Variants in SH3RF3 observed in about 807,000 individuals in gnomAD.
The protein encoded by SH3RF3 is SH3 domain containing ring finger 3.
A neutral mutation model predicts 66.3 loss-of-function variants in SH3RF3; 29 were observed. The observed-to-expected ratio is 0.44, with a 90% CI of 0.33 to 0.60. SH3RF3 has a LOEUF of 0.60. Ranked by LOEUF, SH3RF3 falls within the 20% of genes least tolerant of loss-of-function variation. The pLI is 0.04. For missense variants in SH3RF3, 1,194 were observed against 1,190.9 expected (o/e 1.00, Z -0.04); for synonymous variants, 583 against 532.0 (o/e 1.10, Z -1.32).
intron 1 of SH3RF3, among the ~76,000 whole-genome samples, chr2:109,139,317 T>C (rs1488498694): frequency 6.6e-6 from 1 of 152,210 alleles, no homozygotes; most frequent in Non-Finnish European, 1.5e-5. Context: ...CTGACCTTTT[T>C]TTTTTTACTG....
chr2:109,213,802 G>A (rs969218768), intron 1 of SH3RF3, among the ~76,000 whole-genome samples: 2 of 152,178 alleles, frequency 1.3e-5, no homozygotes, highest in Non-Finnish European at 2.9e-5. Context: ...GATAGGGTGT[G>A]GTGTGGTGTG....
At chr2:109,353,434 TGA>T (rs942810377) in intron 2 of SH3RF3, among the ~76,000 whole-genome samples, 1 of 152,168 alleles carries the variant, frequency 6.6e-6, no homozygotes, top group East Asian at 1.9e-4. Flanking sequence ...CCCTTTCTCC[TGA>T]GAGGTAGGTG....
intron 6 of SH3RF3, among the ~76,000 whole-genome samples, chr2:109,433,272 T>A (rs1677298476): frequency 6.6e-6 from 1 of 152,246 alleles, no homozygotes; most frequent in African/African-American, 2.4e-5. Flanking sequence ...AAAGGAAAAA[T>A]GATATCTTCC....
chr2:109,346,762 C>T (rs766771621), intron 1 of SH3RF3, among the ~76,000 whole-genome samples: 2 of 152,146 alleles, frequency 1.3e-5, no homozygotes, highest in African/African-American at 2.4e-5. Context: ...GAGCTAGTCA[C>T]GGTTTGAGAC....
chr2:109,497,746 T>C (rs1000821883), intron 9 of SH3RF3, among the ~76,000 whole-genome samples: 1 of 152,248 alleles, frequency 6.6e-6, no homozygotes. Context: ...CCCACATCCA[T>C]CTGGGCTCAT....
At chr2:109,488,346 C>A (rs937053926) in intron 8 of SH3RF3, among the ~76,000 whole-genome samples, 6 of 152,226 alleles carry the variant, frequency 3.9e-5, no homozygotes, top group African/African-American at 1.4e-4. Flanking sequence ...GACATTGCCA[C>A]CTGTCCCCTG....
chr2:109,475,903 C>T lies in SH3RF3; in HGVS notation c.2149-14702C>T, dbSNP rs370361378. Among the ~76,000 whole-genome samples the T allele has an allele frequency of 1.5e-3, 223 of 152,320 alleles. 1 individual carries two copies. The highest frequency in any genetic ancestry group is 5.2e-3 in the African/African-American group (217 of 41,564). On this transcript the variant is annotated intron_variant, in intron 8 of 9. Transcript: ENST00000309415. ...ACTCATTTCTCTTTCCACATCTTCA[C>T]GAGCTTCACCTTCATCAACAAAAGA...
intron 4 of SH3RF3, among the ~76,000 whole-genome samples, chr2:109,411,309 T>C (rs754254831): frequency 2.0e-5 from 3 of 152,192 alleles, no homozygotes; most frequent in Non-Finnish European, 4.4e-5. Flanking sequence ...ATTACAGTCA[T>C]TTAAAGGAGA....
chr2:109,225,373 G>A (rs1287335279), intron 1 of SH3RF3, among the ~76,000 whole-genome samples: 2 of 152,300 alleles, frequency 1.3e-5, no homozygotes, highest in East Asian at 3.9e-4. Context: ...TCCGGGCTCC[G>A]CTTGGACCCA....
Position 109,159,450 on chromosome 2 carries a change from G to A in SH3RF3, c.573+29337G>A, listed in dbSNP as rs542767020. Reference sequence around the variant, plus strand: ...TAACGGAGGCCTCCTGCATTACTGTGGATTTTAGTGGGGGAAGAATTGGCT... The same window carrying A: ...TAACGGAGGCCTCCTGCATTACTGTAGATTTTAGTGGGGGAAGAATTGGCT... On this transcript the variant is annotated intron_variant, in intron 1 of 9. Transcript: ENST00000309415. 4.6e-5 allele frequency among the ~76,000 whole-genome samples: 7 copies of A among 152,346 alleles called. No homozygotes were observed. In the East Asian group the frequency reaches 5.8e-4, roughly 13 times the overall value.
At chr2:109,300,483 C>G (rs1419687862) in intron 1 of SH3RF3, among the ~76,000 whole-genome samples, 1 of 152,150 alleles carries the variant, frequency 6.6e-6, no homozygotes, top group Non-Finnish European at 1.5e-5. Flanking sequence ...CCCATCCGCA[C>G]CCTGAGTTTT....
intron 1 of SH3RF3, among the ~76,000 whole-genome samples, chr2:109,288,237 A>G (rs1011567842): frequency 6.6e-5 from 10 of 152,246 alleles, no homozygotes; most frequent in African/African-American, 2.4e-4. Flanking sequence ...CTCAAGAACA[A>G]AGAAAGTTAA....
rs1210026340 is a variant in SH3RF3 at position 109,151,135 on chromosome 2, C to T, written c.573+21022C>T. Among the ~76,000 whole-genome samples, 7 of 152,172 alleles carry T rather than the reference C, an allele frequency of 4.6e-5. No homozygotes were observed. In the East Asian group the frequency reaches 1.3e-3, roughly 29 times the overall value. On this transcript the variant is annotated intron_variant, in intron 1 of 9. Coordinates refer to ENST00000309415, the MANE Select transcript of SH3RF3 (RefSeq NM_001099289.3). The stretch of plus-strand genomic sequence containing the variant: ...GGTGAGGGGTGGTGGTCCTTGGGTT[C>T]TTGCTTATATTTGATGGGTTCTTGA...
At chr2:109,419,048 A>T (rs1676801443) in intron 4 of SH3RF3, among the ~76,000 whole-genome samples, 1 of 151,914 alleles carries the variant, frequency 6.6e-6, no homozygotes, top group Admixed American at 6.6e-5. Flanking sequence ...TCTTGGGGGG[A>T]GGGGGGCACC....
chr2:109,460,963 G>A (rs1181113135), intron 8 of SH3RF3, among the ~76,000 whole-genome samples: 1 of 152,200 alleles, frequency 6.6e-6, no homozygotes, highest in African/African-American at 2.4e-5. Context: ...CCTGCATATG[G>A]TGCAGAACCA....
At chr2:109,415,477 G>A (rs1020380150) in intron 4 of SH3RF3, among the ~76,000 whole-genome samples, 5 of 152,148 alleles carry the variant, frequency 3.3e-5, no homozygotes, top group Non-Finnish European at 5.9e-5. Context: ...TACAGTCGCG[G>A]CTGCTATTCC....
intron 1 of SH3RF3, among the ~76,000 whole-genome samples, chr2:109,303,859 C>T (rs1418736863): frequency 2.0e-5 from 3 of 152,162 alleles, no homozygotes; most frequent in African/African-American, 4.8e-5. Flanking sequence ...AGTTGTGCAT[C>T]GCCTCCTGCC....
chr2:109,261,157 A>G (rs957579143), intron 1 of SH3RF3, among the ~76,000 whole-genome samples: 3 of 152,140 alleles, frequency 2.0e-5, no homozygotes, highest in Non-Finnish European at 2.9e-5. Context: ...GTGTGGACAC[A>G]TCAACATTTC....
At chr2:109,223,214 C>T (rs754485818) in intron 1 of SH3RF3, among the ~76,000 whole-genome samples, 4 of 152,178 alleles carry the variant, frequency 2.6e-5, no homozygotes, top group Non-Finnish European at 2.9e-5. Flanking sequence ...CCTTTGCTGC[C>T]GTCCCATGCA....
Sources: allele counts gnomAD v4.1 joint callset (sites outside exome capture counted in the v4.1 genomes callset), GRCh38; gene constraint gnomAD v4.1.1; transcripts MANE v1.5; gene names NCBI Gene and HGNC (gene_info 2026-07-23, HGNC 2026-07-21).